The following BOD1L1 variants were observed in gnomAD, a reference collection of about 807,000 sequenced individuals.
BOD1L1 encodes biorientation of chromosomes in cell division protein 1-like 1.
BOD1L1 carries 86 observed loss-of-function variants against 240.7 expected under a neutral mutation model. That is an observed-to-expected ratio of 0.36 (90% confidence interval 0.30 to 0.43). The LOEUF is 0.43. BOD1L1 is among the 20% of genes least tolerant of loss of function. The pLI, the probability that BOD1L1 is intolerant of heterozygous loss-of-function variation, is 1.00. For synonymous variants in BOD1L1, 1,268 were observed against 1,272.3 expected (o/e 1.00, Z 0.07); for missense variants, 3,554 against 3,643.5 (o/e 0.98, Z 0.63).
At chr4:13,577,539 T>G (rs1283083955) in intron 23 of BOD1L1, 43 bp downstream of exon 23, 7 of 1,597,894 alleles carry the variant, frequency 4.4e-6, no homozygotes, top group Non-Finnish European at 6.0e-6. Flanking sequence ...GCATTTAAGT[T>G]GATTTCTAAA....
At chr4:13,586,319 T>C in intron 17 of BOD1L1, 77 bp downstream of exon 17, 1 of 725,824 alleles carries the variant, frequency 1.4e-6, no homozygotes, top group Non-Finnish European at 2.3e-6. Flanking sequence ...AAAAATATTA[T>C]ACTAAGTATT....
intron 6 of BOD1L1, among the ~76,000 whole-genome samples, chr4:13,609,992 G>A (rs1371332777): frequency 6.6e-6 from 1 of 152,138 alleles, no homozygotes; most frequent in Admixed American, 6.6e-5. Flanking sequence ...TCCTAAGCAG[G>A]TGCATAACTT....
At chr4:13,580,638 G>C (rs1177744952) in intron 21 of BOD1L1, among the ~76,000 whole-genome samples, 1 of 152,128 alleles carries the variant, frequency 6.6e-6, no homozygotes, top group African/African-American at 2.4e-5. Flanking sequence ...TGAACTCAGT[G>C]AATATTTTAG....
chr4:13,600,065 G>A lies in BOD1L1; in HGVS notation c.6835C>T (p.Pro2279Ser), dbSNP rs920210808. Residue 2279 changes from proline (P) to serine (S), a missense_variant, in exon 10 of 26, where the codon CCC becomes TCC. Transcript: ENST00000040738. ...ATCTCTTCCGCTGGTGTGACTGAGG[G>A]GTCGCCTTCCTCTTGAGGGACAGCA... ...SSAVPQEEGD[P>S]SVTPAEEMGD... 1 of 1,612,896 alleles carries A rather than the reference G, an allele frequency of 6.2e-7. No homozygotes were observed.
rs934989096 is a variant in BOD1L1 at position 13,580,106 on chromosome 4, T to G, written c.8704-133A>C. 3 of 632,624 alleles carry G rather than the reference T, an allele frequency of 4.7e-6. No individual in the cohort carries two copies. In the African/African-American group the frequency reaches 5.6e-5, roughly 12 times the overall value. 39.2% of individuals were successfully genotyped at this position (632,624 alleles called of 1,614,324 possible). On this transcript the variant is annotated intron_variant, in intron 21 of 25. Coordinates refer to ENST00000040738, the MANE Select transcript of BOD1L1 (RefSeq NM_148894.3). ...AGGCGTATTTGAGACCTATTTTCTG[T>G]AATTGATTAAGTATACCTAGCAAAC...
chr4:13,588,069 T>A (rs1713857981), intron 15 of BOD1L1, among the ~76,000 whole-genome samples: 1 of 151,584 alleles, frequency 6.6e-6, no homozygotes, highest in Non-Finnish European at 1.5e-5. Context: ...GTGCCTGTAG[T>A]CCCAGCTGCT....
intron 1 of BOD1L1, among the ~76,000 whole-genome samples, chr4:13,621,691 T>G (rs1229901976): frequency 6.6e-6 from 1 of 152,118 alleles, no homozygotes; most frequent in Non-Finnish European, 1.5e-5. Flanking sequence ...TAAAATATAC[T>G]TGTTAGCTGA....
Position 13,604,534 on chromosome 4 carries a change from C to T in BOD1L1, c.2366G>A (p.Arg789Gln), listed in dbSNP as rs751986426. ...TKLSSDDKTE[R>Q]KSKHRNERKL... is the part of the protein sequence containing the mutation. ...CCTTTCATTCCTATGTTTACTTTTTCGTTCGGTTTTATCATCTGAAGAAAG... is the reference window on the plus strand; with the variant it reads ...CCTTTCATTCCTATGTTTACTTTTTTGTTCGGTTTTATCATCTGAAGAAAG... The change falls in exon 10 of 26, where the codon CGA becomes CAA. Residue 789 changes from arginine (R) to glutamine (Q), a missense_variant. Physicochemically the swap from Arg to Gln is conservative, Grantham distance 43. Around this residue, in one of 2 missense-constraint regions of BOD1L1, gnomAD observed 3,393 missense variants for 3,427.1 expected, o/e 0.99. Coordinates refer to ENST00000040738, the MANE Select transcript of BOD1L1 (RefSeq NM_148894.3). 1.2e-5 allele frequency: 19 copies of T among 1,534,656 alleles called. No individual in the cohort carries two copies. The highest frequency in any genetic ancestry group is 1.7e-4 in the Middle Eastern group (1 of 5,722).
At chr4:13,570,961 G>A (rs897360803) in intron 25 of BOD1L1, among the ~76,000 whole-genome samples, 1 of 152,112 alleles carries the variant, frequency 6.6e-6, no homozygotes, top group African/African-American at 2.4e-5. Context: ...TTTTCAAACT[G>A]CAAGTTACAA....
intron 12 of BOD1L1, among the ~76,000 whole-genome samples, chr4:13,595,551 C>T (rs1020947242): frequency 2.0e-5 from 3 of 152,144 alleles, no homozygotes; most frequent in African/African-American, 4.8e-5. Flanking sequence ...TGGGGACAGG[C>T]AGGGGTATGG....
intron 1 of BOD1L1, among the ~76,000 whole-genome samples, 176 bp downstream of exon 1, chr4:13,627,169 G>T (rs188566128): frequency 5.6e-4 from 85 of 152,318 alleles, no homozygotes; most frequent in Non-Finnish European, 9.0e-4. Context: ...CACGTAGTAG[G>T]TACTTAAACA....
At position 13,600,457 on chromosome 4, in the gene BOD1L1, A is replaced by C. The variant is rs1715036019; in HGVS notation, c.6443T>G (p.Ile2148Arg). The C allele has an allele frequency of 6.2e-6, 10 of 1,613,346 alleles. No homozygotes were observed. Among genetic ancestry groups the C allele is most frequent in the Non-Finnish European group, 8.5e-6 (10 of 1,179,720 alleles). The stretch of plus-strand genomic sequence containing the variant: ...GATAGGCAATTCGAATTCTTCCCCT[A>C]TGCTTGTGGAAATCATGGCACACTC... Reference protein sequence around the residue: ...KDECAMISTSIGEEFELPISS... With the variant: ...KDECAMISTSRGEEFELPISS... The change falls in exon 10 of 26, where the codon ATA becomes AGA. Residue 2148 changes from isoleucine to arginine, a missense_variant. Ile to Arg is a moderately conservative substitution (Grantham distance 97, BLOSUM62 -3). Coordinates refer to ENST00000040738, the MANE Select transcript of BOD1L1 (RefSeq NM_148894.3).
At position 13,613,744 on chromosome 4, in the gene BOD1L1, A is replaced by C; in HGVS notation, c.1175-83T>G. 1 of 1,157,926 alleles carries C rather than the reference A, an allele frequency of 8.6e-7. No homozygotes were observed. The highest frequency in any genetic ancestry group is 2.7e-5 in the East Asian group (1 of 36,546). 71.7% of individuals were successfully genotyped at this position (1,157,926 alleles called of 1,614,324 possible). A position where few individuals can be genotyped will look rare whatever the true frequency, so the allele number is the denominator to read the frequency against. ...AGAGCTCAATTACTAAATTACACTT[A>C]AAATTTTCTGCTTTAAATACGTGTC... On this transcript the variant is annotated intron_variant, in intron 4 of 25. Transcript: ENST00000040738. The surrounding 1 kb of genome is among the most constrained non-coding windows in gnomAD (Gnocchi z 4.0).
chr4:13,579,640 G>A (rs1017205812), intron 22 of BOD1L1, among the ~76,000 whole-genome samples: 4 of 152,074 alleles, frequency 2.6e-5, no homozygotes, highest in Admixed American at 6.6e-5. Flanking sequence ...CAAATAATAT[G>A]GAATGCTCCC....
rs748960881 is a variant in BOD1L1 at position 13,615,127 on chromosome 4, CTTA to C, written c.559+182_559+184del. 5.3e-4 allele frequency among the ~76,000 whole-genome samples: 80 copies of C among 152,126 alleles called. 2 individuals are homozygous for C. The highest frequency in any genetic ancestry group is 3.4e-4 in the Non-Finnish European group (23 of 68,034). On this transcript the variant is annotated intron_variant, in intron 3 of 25. Transcript: ENST00000040738. The stretch of plus-strand genomic sequence containing the variant: ...ACACTCACATCACATTACTACAATG[CTTA>C]TTATTTTTATTAATCTAGAAAACGA...
chr4:13,582,693 G>C lies in BOD1L1; in HGVS notation c.8477C>G (p.Ser2826Cys). 6.2e-7 allele frequency: 1 copy of C among 1,613,086 alleles called. No homozygotes were observed. Among genetic ancestry groups the C allele is most frequent in the Non-Finnish European group, 8.5e-7 (1 of 1,179,178 alleles). The stretch of plus-strand genomic sequence containing the variant: ...CCTTGAGGTAGTGCTATTTGTCTCA[G>C]AACTGGTTTTAGGTAATTCTTCCAA... ...RDLEELPKTS[S>C]ETNSTTSRVM... The change falls in exon 18 of 26, where the codon TCT (serine) becomes TGT (cysteine). Residue 2826 changes from serine (S) to cysteine (C), a missense_variant. This residue lies in a region of BOD1L1 where 3,393 missense variants were observed against 3,427.1 expected (regional missense o/e 0.99). Coordinates refer to ENST00000040738, the MANE Select transcript of BOD1L1 (RefSeq NM_148894.3).
chr4:13,601,007 T>C lies in BOD1L1; in HGVS notation c.5893A>G (p.Lys1965Glu). ...CCTGGAACTGGTGTCACTTCATCCT[T>C]TCCTGAGACTGCACTGGTCACACTG... ...ESSVTSAVSG[K>E]DEVTPVPGGC... The change falls in exon 10 of 26, where the codon AAG becomes GAG. Residue 1965 changes from lysine to glutamate, a missense_variant. Lys to Glu is a moderately conservative substitution (Grantham distance 56). Around this residue, in one of 2 missense-constraint regions of BOD1L1, gnomAD observed 3,393 missense variants for 3,427.1 expected, o/e 0.99. Transcript: ENST00000040738. The C allele has an allele frequency of 6.2e-7, 1 of 1,613,484 alleles. No individual in the cohort carries two copies.
intron 25 of BOD1L1, among the ~76,000 whole-genome samples, chr4:13,574,935 T>C (rs1392312003): frequency 1.3e-5 from 2 of 149,000 alleles, no homozygotes; most frequent in Admixed American, 1.3e-4. Context: ...TTTTTTTTTT[T>C]GAGACGGGGA....
chr4:13,606,631 G>A (rs1577361013), intron 9 of BOD1L1, among the ~76,000 whole-genome samples: 1 of 152,142 alleles, frequency 6.6e-6, no homozygotes, highest in East Asian at 1.9e-4. Flanking sequence ...ATTATGGTAT[G>A]TACATTATAT....
Sources: gnomAD v4.1 joint callset for allele counts (sites outside exome capture counted in the v4.1 genomes callset) on GRCh38, gnomAD v4.1.1 for gene constraint, gnomAD v4.1.1 regional missense constraint, Gnocchi (gnomAD v3.1) non-coding constraint, MANE v1.5 for transcripts, NCBI Gene and HGNC (gene_info 2026-07-23, HGNC 2026-07-21) for gene names.